PCDH9: variants seen among roughly 807,000 people sequenced by gnomAD.
PCDH9 encodes protocadherin 9.
A neutral mutation model predicts 70.6 loss-of-function variants in PCDH9; 24 were observed. That is an observed-to-expected ratio of 0.34 (90% CI 0.25 to 0.48). The LOEUF is 0.48. Among genes scored for constraint, PCDH9 ranks in the 20% least tolerant of loss-of-function variants. The pLI is 0.99. For synonymous variants in PCDH9, 562 were observed against 558.5 expected, an observed-to-expected ratio of 1.01 and a Z score of -0.09; for missense variants, 1,281 against 1,503.6, an observed-to-expected ratio of 0.85 and a Z score of 2.45.
chr13:66,735,658 T>C lies in PCDH9; in HGVS notation c.3139-104247A>G, dbSNP rs1168527269. ...GTGAATTTGGTCTTATCTTTGCACG[T>C]AGTATTAATAATTTTAAAGATTAGG... On this transcript the variant is annotated intron_variant, in intron 3 of 4. Coordinates refer to ENST00000377865, the MANE Select transcript of PCDH9 (RefSeq NM_203487.3). 4.6e-5 allele frequency among the ~76,000 whole-genome samples: 7 copies of C among 152,188 alleles called. No homozygotes were observed. In the East Asian group the frequency reaches 1.4e-3, roughly 29 times the overall value.
chr13:67,044,364 A>G (rs1484347801), intron 2 of PCDH9, among the ~76,000 whole-genome samples: 1 of 152,214 alleles, frequency 6.6e-6, no homozygotes. Flanking sequence ...ACAAAAATTC[A>G]CATCACATTT....
chr13:66,336,567 C>T (rs1311156563), intron 4 of PCDH9, among the ~76,000 whole-genome samples: 1 of 151,834 alleles, frequency 6.6e-6, no homozygotes, highest in African/African-American at 2.4e-5. Flanking sequence ...TGCCAAATAA[C>T]CTTTGATGGA....
At chr13:66,355,947 T>C (rs1956375556) in intron 4 of PCDH9, among the ~76,000 whole-genome samples, 1 of 152,126 alleles carries the variant, frequency 6.6e-6, no homozygotes. Flanking sequence ...TAGTTCCCTT[T>C]AGGTGTCTAC....
At chr13:67,026,626 C>G (rs1566371999) in intron 2 of PCDH9, among the ~76,000 whole-genome samples, 1 of 151,966 alleles carries the variant, frequency 6.6e-6, no homozygotes, top group Non-Finnish European at 1.5e-5. Context: ...GTCAAATTGT[C>G]CTTGTTTGCA....
intron 4 of PCDH9, among the ~76,000 whole-genome samples, chr13:66,393,075 C>G (rs1957046348): frequency 6.6e-6 from 1 of 152,082 alleles, no homozygotes; most frequent in South Asian, 2.1e-4. Flanking sequence ...CTTGTGTGAC[C>G]TTGAGTAGAG....
chr13:67,126,858 T>TA (rs561487735), intron 2 of PCDH9, among the ~76,000 whole-genome samples: 1 of 152,050 alleles, frequency 6.6e-6, no homozygotes, highest in African/African-American at 2.4e-5. Flanking sequence ...CAAAATAAAA[T>TA]AAAATAAAAT....
At chr13:66,790,696 C>T (rs2080150638) in intron 3 of PCDH9, among the ~76,000 whole-genome samples, 1 of 151,924 alleles carries the variant, frequency 6.6e-6, no homozygotes, top group South Asian at 2.1e-4. Context: ...AAATTGCCAC[C>T]TGTCATATAT....
chr13:67,207,178 G>T (rs1593620543), intron 2 of PCDH9: 1 of 150,610 alleles, frequency 6.6e-6, no homozygotes, highest in African/African-American at 2.4e-5. Context: ...AGACTTCGGT[G>T]ATTTTTTTTT....
chr13:66,829,822 G>GT (rs1215299469), intron 3 of PCDH9, among the ~76,000 whole-genome samples: 10 of 144,950 alleles, frequency 6.9e-5, no homozygotes, highest in Non-Finnish European at 1.4e-4. Flanking sequence ...CAAAATACAA[G>GT]TTTTTAGCCT....
At chr13:66,677,723 G>C (rs536097092) in intron 3 of PCDH9, among the ~76,000 whole-genome samples, 10 of 152,072 alleles carry the variant, frequency 6.6e-5, no homozygotes, top group African/African-American at 2.4e-4. Flanking sequence ...GTTCCCAGAG[G>C]CTTCACCAAA....
At chr13:66,461,547 G>C (rs1471146380) in intron 4 of PCDH9, among the ~76,000 whole-genome samples, 3 of 147,812 alleles carry the variant, frequency 2.0e-5, no homozygotes, top group Non-Finnish European at 4.5e-5. Context: ...TATCAACTCT[G>C]CAAAAAAAAA....
At chr13:67,093,959 A>C (rs1344625920) in intron 2 of PCDH9, among the ~76,000 whole-genome samples, 1 of 152,218 alleles carries the variant, frequency 6.6e-6, no homozygotes, top group African/African-American at 2.4e-5. Context: ...TTGGTATAAA[A>C]TAGAAAGTAG....
At chr13:66,536,891 G>T (rs1165689570) in intron 4 of PCDH9, among the ~76,000 whole-genome samples, 1 of 152,018 alleles carries the variant, frequency 6.6e-6, no homozygotes, top group African/African-American at 2.4e-5. Flanking sequence ...AAAAAAAGTT[G>T]CAGAATTGCA....
At chr13:67,188,978 G>A (rs761007312) in intron 2 of PCDH9, among the ~76,000 whole-genome samples, 43 of 151,936 alleles carry the variant, frequency 2.8e-4, no homozygotes, top group Non-Finnish European at 5.6e-4. Context: ...AGTCCATTGT[G>A]TCATTCTTAT....
intron 2 of PCDH9, among the ~76,000 whole-genome samples, chr13:66,926,514 C>G (rs1016687067): frequency 4.6e-5 from 7 of 151,998 alleles, no homozygotes; most frequent in East Asian, 1.9e-4. Context: ...TTAGCTCTTA[C>G]GTACCAAGGA....
At chr13:66,359,287 C>T (rs1956430569) in intron 4 of PCDH9, among the ~76,000 whole-genome samples, 1 of 151,920 alleles carries the variant, frequency 6.6e-6, no homozygotes, top group Admixed American at 6.6e-5. Context: ...AGAATATCAG[C>T]ATTCCGCAGG....
At chr13:66,528,404 G>A (rs78502547) in intron 4 of PCDH9, among the ~76,000 whole-genome samples, 4 of 152,034 alleles carry the variant, frequency 2.6e-5, no homozygotes, top group African/African-American at 4.8e-5. Context: ...GAAGCTCCCC[G>A]CAATAGTGCA....
chr13:66,441,278 A>G (rs1957969212), intron 4 of PCDH9, among the ~76,000 whole-genome samples: 1 of 152,200 alleles, frequency 6.6e-6, no homozygotes, highest in Non-Finnish European at 1.5e-5. Context: ...AAGTCTGAAT[A>G]TCACCAGTGT....
intron 3 of PCDH9, among the ~76,000 whole-genome samples, chr13:66,866,858 C>T (rs944011600): frequency 3.3e-5 from 5 of 152,098 alleles, no homozygotes; most frequent in African/African-American, 1.2e-4. Context: ...ACCATCATTT[C>T]ACAGTAGAGA....
Sources: allele counts gnomAD v4.1 joint callset (sites outside exome capture counted in the v4.1 genomes callset), GRCh38; gene constraint gnomAD v4.1.1; transcripts MANE v1.5; gene names NCBI Gene and HGNC (gene_info 2026-07-23, HGNC 2026-07-21).